Variants in CCDC85A observed in about 807,000 individuals in gnomAD.
The protein encoded by CCDC85A is coiled-coil domain containing 85A, also known as coiled-coil domain-containing protein 85A.
Under a neutral mutation model 50.2 loss-of-function variants are expected in CCDC85A, and 38 were observed. That is an observed-to-expected ratio of 0.76 (90% CI 0.58 to 0.99). CCDC85A has a LOEUF of 0.99. Among genes scored for constraint, CCDC85A ranks in the 50% least tolerant of loss-of-function variants. CCDC85A has a pLI of 0.00. For missense variants in CCDC85A, 820 were observed against 742.0 expected, an observed-to-expected ratio of 1.11 and a Z score of -1.22; for synonymous variants, 366 against 301.4, an observed-to-expected ratio of 1.21 and a Z score of -2.22.
chr2:56,266,041 C>T (rs1459623259), intron 2 of CCDC85A, among the ~76,000 whole-genome samples: 2 of 152,022 alleles, frequency 1.3e-5, no homozygotes, highest in Non-Finnish European at 2.9e-5. Flanking sequence ...ATAAGCCAGA[C>T]ACGGAAAGAC....
chr2:56,190,213 A>G (rs17047558), intron 1 of CCDC85A, among the ~76,000 whole-genome samples: 3,456 of 152,272 alleles, frequency 0.023, 90 homozygotes, highest in African/African-American at 0.065. Flanking sequence ...CGCAAGACCA[A>G]AGATTTTTCA....
chr2:56,380,456 A>T (rs913184420), intron 5 of CCDC85A, among the ~76,000 whole-genome samples: 3 of 151,692 alleles, frequency 2.0e-5, no homozygotes, highest in Admixed American at 2.0e-4. Flanking sequence ...GCACTTTGGG[A>T]GGCTGAAGAG....
intron 2 of CCDC85A, among the ~76,000 whole-genome samples, chr2:56,210,687 A>G (rs993808320): frequency 1.3e-5 from 2 of 151,818 alleles, no homozygotes; most frequent in Non-Finnish European, 2.9e-5. Flanking sequence ...CAGATTCCAG[A>G]ATTTCCATGT....
intron 2 of CCDC85A, among the ~76,000 whole-genome samples, chr2:56,216,677 C>T (rs755650308): frequency 3.9e-4 from 59 of 150,076 alleles, no homozygotes; most frequent in Non-Finnish European, 7.0e-4. Context: ...TTTTTCATTT[C>T]AGTAATATTT....
chr2:56,185,196 G>C (rs888540052), intron 1 of CCDC85A, among the ~76,000 whole-genome samples: 4 of 152,200 alleles, frequency 2.6e-5, no homozygotes, highest in Admixed American at 2.6e-4. Context: ...TCATTTCTTA[G>C]GGAGGCTGGA....
At chr2:56,254,982 T>C (rs1026876387) in intron 2 of CCDC85A, among the ~76,000 whole-genome samples, 2 of 152,184 alleles carry the variant, frequency 1.3e-5, no homozygotes, top group Non-Finnish European at 2.9e-5. Context: ...ACATGAATGA[T>C]GTAGCTTGGT....
chr2:56,216,296 T>A (rs975398933), intron 2 of CCDC85A, among the ~76,000 whole-genome samples: 1 of 151,898 alleles, frequency 6.6e-6, no homozygotes, highest in African/African-American at 2.4e-5. Context: ...TAATGCCACA[T>A]GTTCCGGAGT....
chr2:56,296,780 C>G (rs1671968312), intron 2 of CCDC85A, among the ~76,000 whole-genome samples: 1 of 152,072 alleles, frequency 6.6e-6, no homozygotes, highest in Non-Finnish European at 1.5e-5. Context: ...AAAGAGTTAG[C>G]AATTTAAACA....
chr2:56,247,218 T>C (rs1669550523), intron 2 of CCDC85A, among the ~76,000 whole-genome samples: 1 of 152,190 alleles, frequency 6.6e-6, no homozygotes, highest in South Asian at 2.1e-4. Flanking sequence ...TCACTAGGGC[T>C]CTCTTGATAT....
chr2:56,237,219 C>A (rs984928280), intron 2 of CCDC85A, among the ~76,000 whole-genome samples: 2 of 152,072 alleles, frequency 1.3e-5, no homozygotes, highest in Admixed American at 6.5e-5. Flanking sequence ...TTCACTTCCA[C>A]CAAAGTCAGA....
At chr2:56,282,798 C>G (rs1172777778) in intron 2 of CCDC85A, among the ~76,000 whole-genome samples, 1 of 152,242 alleles carries the variant, frequency 6.6e-6, no homozygotes, top group African/African-American at 2.4e-5. Flanking sequence ...GCGTGAGCCA[C>G]CATTCCCGGC....
chr2:56,189,575 G>A (rs1676210127), intron 1 of CCDC85A, among the ~76,000 whole-genome samples: 1 of 152,098 alleles, frequency 6.6e-6, no homozygotes, highest in African/African-American at 2.4e-5. Flanking sequence ...ACAGATATGA[G>A]CCATTGAACC....
intron 3 of CCDC85A, among the ~76,000 whole-genome samples, chr2:56,357,346 G>A (rs746139848): frequency 2.0e-5 from 3 of 152,158 alleles, no homozygotes; most frequent in Non-Finnish European, 4.4e-5. Flanking sequence ...TCATGAGAGT[G>A]TGATAAGACA....
chr2:56,352,280 T>C (rs1174777664), intron 3 of CCDC85A, among the ~76,000 whole-genome samples: 1 of 152,236 alleles, frequency 6.6e-6, no homozygotes. Flanking sequence ...CGAAATGTCA[T>C]ATACATAAAG....
intron 2 of CCDC85A, among the ~76,000 whole-genome samples, chr2:56,211,820 C>T (rs1677191242): frequency 6.6e-6 from 1 of 151,996 alleles, no homozygotes; most frequent in African/African-American, 2.4e-5. Flanking sequence ...TTGGGACTTC[C>T]AGTATTAGGG....
intron 2 of CCDC85A, among the ~76,000 whole-genome samples, chr2:56,202,114 T>G (rs1052848809): frequency 6.6e-6 from 1 of 152,212 alleles, no homozygotes; most frequent in African/African-American, 2.4e-5. Flanking sequence ...TCTCAATTCT[T>G]ATTGGAAATC....
chr2:56,214,776 T>G (rs1677325049), intron 2 of CCDC85A, among the ~76,000 whole-genome samples: 1 of 151,978 alleles, frequency 6.6e-6, no homozygotes, highest in Non-Finnish European at 1.5e-5. Context: ...TCTTGATTAC[T>G]GTAGTTTGAA....
At position 56,192,410 on chromosome 2, in the gene CCDC85A, A is replaced by T. The variant is rs979664573; in HGVS notation, c.277-67A>T. 4 of 1,528,078 alleles carry T rather than the reference A, an allele frequency of 2.6e-6. No homozygotes were observed. The Admixed American group carries it at 6.3e-5, about 24-fold the overall frequency. 94.7% of individuals were successfully genotyped at this position (1,528,078 alleles called of 1,614,324 possible). A position where few individuals can be genotyped will look rare whatever the true frequency, so the allele number is the denominator to read the frequency against. ...CACCAGTTACAGGCTCTCCCTTTCC[A>T]GGAAGTCTGAGCCTGCTGACACCTC... On this transcript the variant is annotated intron_variant, in intron 1 of 5. Transcript: ENST00000407595. This position sits in a 1 kb window ranked among gnomAD's most constrained non-coding sequence, Gnocchi z 4.7.
At chr2:56,349,384 T>C (rs1360873367) in intron 3 of CCDC85A, among the ~76,000 whole-genome samples, 2 of 152,062 alleles carry the variant, frequency 1.3e-5, no homozygotes, top group Non-Finnish European at 2.9e-5. Flanking sequence ...TGTGTTGGAA[T>C]AAAAGAGATA....
Sources: allele counts gnomAD v4.1 joint callset (sites outside exome capture counted in the v4.1 genomes callset), GRCh38; gene constraint gnomAD v4.1.1; non-coding constraint Gnocchi (gnomAD v3.1); transcripts MANE v1.5; gene names NCBI Gene and HGNC (gene_info 2026-07-23, HGNC 2026-07-21).